Variants in MYO16 observed in about 807,000 individuals in gnomAD.
MYO16 encodes unconventional myosin-XVI.
In MYO16, 94 loss-of-function variants were observed where a neutral mutation model predicts 205.3. The observed-to-expected ratio is 0.46, with a 90% CI of 0.39 to 0.54. The LOEUF is 0.54. Ranked by LOEUF, MYO16 falls within the 20% of genes least tolerant of loss-of-function variation. The pLI is 0.00. For synonymous variants in MYO16, 988 were observed against 954.0 expected (o/e 1.04, Z -0.66); for missense variants, 2,315 against 2,387.5 (o/e 0.97, Z 0.63).
chr13:108,636,369 T>TTG lies in MYO16; in HGVS notation c.28+6535_28+6536dup, dbSNP rs71125327. ...CCCTTTTTTTTTTTTTTTTTTTTTT[T>TTG]TGTGTGTGTGTGTGTGTGTGTGTGT... On this transcript the variant is annotated intron_variant, in intron 1 of 34. Transcript: ENST00000457511. Among the ~76,000 whole-genome samples the TTG allele has an allele frequency of 7.8e-3, 400 of 51,070 alleles. 5 individuals carry two copies. The highest frequency in any genetic ancestry group is 0.02 in the Middle Eastern group (2 of 98). The allele number at this position is 51,070 out of a possible 152,430, so 33.5% of individuals were successfully genotyped here.
chr13:109,194,419 T>C (rs1228235781), intron 34 of MYO16, among the ~76,000 whole-genome samples: 1 of 152,150 alleles, frequency 6.6e-6, no homozygotes, highest in Non-Finnish European at 1.5e-5. Context: ...ATCTGTGAAA[T>C]GAAGATAATG....
At chr13:108,599,191 A>G (rs1412193750) in intron 1 of MYO16, among the ~76,000 whole-genome samples, 1 of 150,808 alleles carries the variant, frequency 6.6e-6, no homozygotes, top group Non-Finnish European at 1.5e-5. Flanking sequence ...TTATGGCTGC[A>G]TAGTATTCCA....
At chr13:109,063,071 TG>T (rs1241980361) in intron 27 of MYO16, among the ~76,000 whole-genome samples, 1 of 152,148 alleles carries the variant, frequency 6.6e-6, no homozygotes, top group East Asian at 1.9e-4. Context: ...CTGCTTTGAA[TG>T]GGATTTATTG....
At chr13:108,929,387 A>G (rs1205295594) in intron 16 of MYO16, among the ~76,000 whole-genome samples, 2 of 152,218 alleles carry the variant, frequency 1.3e-5, no homozygotes, top group Non-Finnish European at 2.9e-5. Context: ...TGAAAGAATA[A>G]TGAGGTACCA....
chr13:108,835,305 C>T (rs984213684), intron 9 of MYO16, among the ~76,000 whole-genome samples: 2 of 152,170 alleles, frequency 1.3e-5, no homozygotes, highest in African/African-American at 2.4e-5. Flanking sequence ...GGCATTTCCC[C>T]CTGCTGGCAC....
chr13:109,062,433 A>G (rs1467447995), intron 27 of MYO16, among the ~76,000 whole-genome samples: 4 of 152,174 alleles, frequency 2.6e-5, no homozygotes, highest in Non-Finnish European at 5.9e-5. Context: ...AGTAAAAAGG[A>G]ATAGTGAGGA....
chr13:108,677,342 T>TATATATATGC (rs1882266776), intron 2 of MYO16, among the ~76,000 whole-genome samples: 13 of 98,114 alleles, frequency 1.3e-4, no homozygotes, highest in African/African-American at 4.9e-4. Flanking sequence ...TGTGTATATA[T>TATATATATGC]ATATATATAT....
At chr13:108,546,507 C>T in the MYO16 span, among the ~76,000 whole-genome samples, 7 of 152,130 alleles carry the variant, frequency 4.6e-5, no homozygotes, top group Admixed American at 3.3e-4. Flanking sequence ...ACACACCCTC[C>T]ACAATATATT....
At chr13:109,017,882 T>G (rs1478095182) in intron 22 of MYO16, among the ~76,000 whole-genome samples, 1 of 152,172 alleles carries the variant, frequency 6.6e-6, no homozygotes, top group Non-Finnish European at 1.5e-5. Context: ...TTTTCAAGGT[T>G]TTTAGCTTCT....
intron 9 of MYO16, among the ~76,000 whole-genome samples, chr13:108,830,950 T>G (rs112742687): frequency 2.6e-5 from 4 of 152,308 alleles, no homozygotes; most frequent in African/African-American, 9.6e-5. Flanking sequence ...TGCCATATCT[T>G]TACATCTGTT....
chr13:108,676,622 A>C (rs370887254), intron 2 of MYO16, among the ~76,000 whole-genome samples: 9 of 152,294 alleles, frequency 5.9e-5, no homozygotes, highest in African/African-American at 2.2e-4. Context: ...AAAGAAGGGG[A>C]GAGTGTGGGC....
chr13:108,702,336 A>T (rs1366296976), intron 2 of MYO16, among the ~76,000 whole-genome samples: 1 of 152,234 alleles, frequency 6.6e-6, no homozygotes, highest in Admixed American at 6.5e-5. Flanking sequence ...GGGTTCCTCC[A>T]GAAGATTAAC....
At chr13:108,908,711 C>T (rs984476535) in intron 15 of MYO16, among the ~76,000 whole-genome samples, 3 of 152,062 alleles carry the variant, frequency 2.0e-5, no homozygotes, top group African/African-American at 7.2e-5. Flanking sequence ...TGATGGCTCA[C>T]CCCTGTAATC....
intron 31 of MYO16, among the ~76,000 whole-genome samples, chr13:109,132,054 A>G (rs984939893): frequency 3.9e-5 from 6 of 152,356 alleles, no homozygotes; most frequent in Admixed American, 2.6e-4. Flanking sequence ...AGTTACATGC[A>G]TATAACTTTG....
At chr13:108,838,357 A>T (rs935972265) in intron 9 of MYO16, among the ~76,000 whole-genome samples, 1 of 151,626 alleles carries the variant, frequency 6.6e-6, no homozygotes. Flanking sequence ...CTCAAATTAT[A>T]AAAAAAATAG....
At chr13:109,013,108 T>TCCCCCCCCC (rs1177754621) in intron 22 of MYO16, among the ~76,000 whole-genome samples, 191 of 32,606 alleles carry the variant, frequency 5.9e-3, no homozygotes, top group East Asian at 9.4e-3. Flanking sequence ...ATGCTACCCC[T>TCCCCCCCCC]CCCCCACCCC....
Position 108,823,149 on chromosome 13 carries a change from A to G in MYO16, c.968A>G (p.Glu323Gly), listed in dbSNP as rs1434591527. ...GATATTGCTGCCTCTGAGTTTATTG[A>G]GGAAATGCTGCTGAAAGCCGAAATT... is the stretch of plus-strand genomic sequence containing the variant. Reference protein sequence around the residue: ...ASDIAASEFIEEMLLKAEIAW... With the variant: ...ASDIAASEFIGEMLLKAEIAW... The change falls in exon 9 of 35, where the codon GAG becomes GGG. Residue 323 changes from glutamate to glycine, a missense_variant. By Grantham distance (98) the Glu-to-Gly change is moderately conservative (BLOSUM62 -2). Around this residue, in one of 3 missense-constraint regions of MYO16, gnomAD observed 1,213 missense variants for 1,274.4 expected, o/e 0.95. Transcript: ENST00000457511. 1 of 1,611,278 alleles carries G rather than the reference A, an allele frequency of 6.2e-7. No individual in the cohort carries two copies. Among genetic ancestry groups the G allele is most frequent in the Non-Finnish European group, 8.5e-7 (1 of 1,179,328 alleles).
At chr13:108,756,265 A>G (rs1251410311) in intron 4 of MYO16, among the ~76,000 whole-genome samples, 1 of 152,142 alleles carries the variant, frequency 6.6e-6, no homozygotes, top group Non-Finnish European at 1.5e-5. Context: ...ATTCAAAAAG[A>G]TGTACTTTAT....
At chr13:109,009,718 G>A (rs1885528221) in intron 22 of MYO16, among the ~76,000 whole-genome samples, 1 of 152,126 alleles carries the variant, frequency 6.6e-6, no homozygotes, top group Admixed American at 6.5e-5. Context: ...CAGCTATTTG[G>A]AGAATATGTC....
Sources: gnomAD v4.1 joint callset for allele counts (sites outside exome capture counted in the v4.1 genomes callset) on GRCh38, gnomAD v4.1.1 for gene constraint, gnomAD v4.1.1 regional missense constraint, MANE v1.5 for transcripts, NCBI Gene and HGNC (gene_info 2026-07-23, HGNC 2026-07-21) for gene names.